The following DNAAF10 variants were observed in gnomAD, a reference collection of about 807,000 sequenced individuals.
The protein encoded by DNAAF10 is WD repeat domain 92.
DNAAF10 carries 28 observed loss-of-function variants against 43.7 expected under a neutral mutation model. The observed-to-expected ratio is 0.64, with a 90% CI of 0.48 to 0.88. The LOEUF is 0.88. Among genes scored for constraint, DNAAF10 ranks in the 40% least tolerant of loss-of-function variants. The pLI is 0.00. For missense variants in DNAAF10, 403 were observed against 439.1 expected (o/e 0.92, Z 0.73); for synonymous variants, 156 against 157.3 (o/e 0.99, Z 0.06).
rs764698023 is a variant in DNAAF10, at chr2:68,157,523, T to C, written c.-80A>G. ...CAACCTGGAAACCAGACTCCAAACA[T>C]TGGCAATTTGTCCCTCCCGCTTTCC... On this transcript the variant is annotated 5_prime_UTR_variant, in exon 1 of 8. The change abolishes an upstream ATG in the 5' untranslated region. Coordinates refer to ENST00000295121, the MANE Select transcript of DNAAF10 (RefSeq NM_138458.4). 3.2e-6 allele frequency: 5 copies of C among 1,586,256 alleles called. No individual in the cohort carries two copies. The highest frequency in any genetic ancestry group is 1.3e-5 in the African/African-American group (1 of 74,442).
chr2:68,134,635 T>A, intron 7 of DNAAF10, 67 bp downstream of exon 7: 5 of 1,566,748 alleles, frequency 3.2e-6, no homozygotes, highest in East Asian at 2.3e-5. Flanking sequence ...GAAAAAAAAG[T>A]TCAATCTAAT....
chr2:68,138,600 C>G, intron 5 of DNAAF10, 142 bp downstream of exon 5: 1 of 642,688 alleles, frequency 1.6e-6, no homozygotes, highest in African/African-American at 1.8e-5. Context: ...GATTCTCAAA[C>G]GGATTTGGCC....
Position 68,130,739 on chromosome 2 carries a change from G to T in DNAAF10, c.*499C>A, listed in dbSNP as rs531433991. Reference sequence around the variant, plus strand: ...TTTACTTGGTGCTTCTGATACCCACGTGCAGCAGCAAGTCAGCAAACAAGC... The same window carrying T: ...TTTACTTGGTGCTTCTGATACCCACTTGCAGCAGCAAGTCAGCAAACAAGC... On this transcript the variant is annotated 3_prime_UTR_variant, in exon 8 of 8. Transcript: ENST00000295121. 9.8e-4 allele frequency: 151 copies of T among 154,006 alleles called. No individual in the cohort carries two copies. Among genetic ancestry groups the T allele is most frequent in the Non-Finnish European group, 1.7e-3 (115 of 68,928 alleles). The allele number at this position is 154,006 out of a possible 1,614,324, so 9.5% of individuals were successfully genotyped here.
At chr2:68,134,627 A>G in intron 7 of DNAAF10, 75 bp downstream of exon 7, 4 of 1,571,622 alleles carry the variant, frequency 2.5e-6, no homozygotes, top group East Asian at 2.3e-5. Context: ...AAAAAAAAGA[A>G]AAAAAAGTTC....
At chr2:68,152,550 A>G (rs1673483479) in intron 1 of DNAAF10, among the ~76,000 whole-genome samples, 1 of 151,922 alleles carries the variant, frequency 6.6e-6, no homozygotes, top group South Asian at 2.1e-4. Flanking sequence ...CCCATTAGAT[A>G]GTTTATCTAC....
At chr2:68,145,472 A>G (rs1043943793) in intron 2 of DNAAF10, among the ~76,000 whole-genome samples, 2 of 152,170 alleles carry the variant, frequency 1.3e-5, no homozygotes, top group Non-Finnish European at 2.9e-5. Context: ...TGTAAATTCA[A>G]AGTGATATAG....
chr2:68,141,242 C>T (rs7585018), intron 4 of DNAAF10, among the ~76,000 whole-genome samples: 3,556 of 152,212 alleles, frequency 0.023, 117 homozygotes, highest in African/African-American at 0.082. Flanking sequence ...CCGTATATAG[C>T]GTAATGTATG....
rs528744068 is a variant in DNAAF10, at chr2:68,136,389, A to G, written c.768+910T>C. Among the ~76,000 whole-genome samples, 18 of 152,320 alleles carry G rather than the reference A, an allele frequency of 1.2e-4. No individual in the cohort carries two copies. In the South Asian group the frequency reaches 3.5e-3, roughly 30 times the overall value. On this transcript the variant is annotated intron_variant, in intron 6 of 7. Coordinates refer to ENST00000295121, the MANE Select transcript of DNAAF10 (RefSeq NM_138458.4). ...ATTCTGAAATGACAAAAGCAAACCA[A>G]TATTATAATTTATAGCTATCTTGTT...
chr2:68,138,284 T>C (rs1235529280), intron 5 of DNAAF10, among the ~76,000 whole-genome samples: 2 of 152,212 alleles, frequency 1.3e-5, no homozygotes, highest in African/African-American at 4.8e-5. Flanking sequence ...TGGGGAATCA[T>C]TATTTAACTT....
intron 7 of DNAAF10, among the ~76,000 whole-genome samples, chr2:68,133,165 C>A (rs1178526013): frequency 6.6e-6 from 1 of 152,202 alleles, no homozygotes; most frequent in African/African-American, 2.4e-5. Flanking sequence ...ACCCCACATT[C>A]TCCCAGAACG....
rs773502521 is a variant in DNAAF10 at position 68,141,705 on chromosome 2, G to C, written c.506C>G (p.Thr169Ser). The change falls in exon 4 of 8, where the codon ACT becomes AGT. Residue 169 changes from threonine to serine, a missense_variant. Transcript: ENST00000295121. ...VQGENKRDCWTVAFGNAYNQE... is the reference protein window; with the variant it reads ...VQGENKRDCWSVAFGNAYNQE... ...CTTCAATAATTTACCAAATGCCACA[G>C]TCCAACAGTCTCTCTTGTTTTCTCC... 6.2e-7 allele frequency: 1 copy of C among 1,613,786 alleles called. No individual in the cohort carries two copies. Among genetic ancestry groups the C allele is most frequent in the Admixed American group, 1.7e-5 (1 of 59,954 alleles).
Position 68,142,777 on chromosome 2 carries a change from C to CAA in DNAAF10, c.416-984_416-983dup, listed in dbSNP as rs11390122. On this transcript the variant is annotated intron_variant, in intron 3 of 7. Coordinates refer to ENST00000295121, the MANE Select transcript of DNAAF10 (RefSeq NM_138458.4). Reference sequence around the variant, plus strand: ...CAAGTACCTGAGAATAAGAAAAGGGCAAAAAAAAAAAAATCCTTAAAAGGA... The same window carrying CAA: ...CAAGTACCTGAGAATAAGAAAAGGGCAAAAAAAAAAAAAAATCCTTAAAAGGA... 4.0e-3 allele frequency among the ~76,000 whole-genome samples: 545 copies of CAA among 136,466 alleles called. 1 individual carries two copies. The highest frequency in any genetic ancestry group is 0.013 in the African/African-American group (503 of 38,002). The allele number at this position is 136,466 out of a possible 152,430, so 89.5% of individuals were successfully genotyped here. A position where few individuals can be genotyped will look rare whatever the true frequency, so the allele number is the denominator to read the frequency against.
Position 68,134,719 on chromosome 2 carries a change from G to C in DNAAF10, c.849C>G (p.Gly283=), listed in dbSNP as rs1244352687. 6.2e-7 allele frequency: 1 copy of C among 1,609,006 alleles called. No homozygotes were observed. The highest frequency in any genetic ancestry group is 1.3e-5 in the African/African-American group (1 of 74,426). Residue 283 remains glycine (G), a synonymous_variant, in exon 7 of 8, where the codon GGC becomes GGG. Transcript: ENST00000295121. Reference sequence around the variant, plus strand: ...AGACTTACTACTTCCAGAGGTGAAGGCCGCCGGCGCCTCCAGCTGTCAGAA... The same window carrying C: ...AGACTTACTACTTCCAGAGGTGAAGCCCGCCGGCGCCTCCAGCTGTCAGAA... The part of the protein sequence containing the change: ...ELFLTAGGAG[G]LHLWKYEYPI...
chr2:68,156,907 C>T (rs899284731), intron 1 of DNAAF10: 3 of 290,518 alleles, frequency 1.0e-5, no homozygotes, highest in Non-Finnish European at 2.0e-5. Context: ...AAATAAACTC[C>T]ATGAGATGGG....
intron 4 of DNAAF10, among the ~76,000 whole-genome samples, chr2:68,139,314 T>G (rs1673121957): frequency 6.6e-6 from 1 of 152,150 alleles, no homozygotes; most frequent in Non-Finnish European, 1.5e-5. Flanking sequence ...GCTCCCCTTT[T>G]GCCTTCTGCC....
intron 1 of DNAAF10, 118 bp downstream of exon 1, chr2:68,157,143 G>A (rs1673643926): frequency 1.5e-5 from 21 of 1,365,050 alleles, no homozygotes; most frequent in Non-Finnish European, 2.1e-5. Context: ...CTCTGGTCTC[G>A]CGCGGCTCAA....
At chr2:68,156,320 A>G (rs1673610045) in intron 1 of DNAAF10, among the ~76,000 whole-genome samples, 1 of 150,756 alleles carries the variant, frequency 6.6e-6, no homozygotes, top group African/African-American at 2.5e-5. Context: ...ACCTCCTCCA[A>G]GCAGATTCTC....
chr2:68,154,073 T>A (rs1673526222), intron 1 of DNAAF10, among the ~76,000 whole-genome samples: 3 of 151,810 alleles, frequency 2.0e-5, no homozygotes, highest in South Asian at 4.2e-4. Flanking sequence ...CTTAAAGGTA[T>A]TTTTGTATTA....
rs1473939964 is a variant in DNAAF10, at chr2:68,130,526, C to T, written c.*712G>A. The T allele has an allele frequency of 6.6e-6, 1 of 152,424 alleles. No homozygotes were observed. The highest frequency in any genetic ancestry group is 1.5e-5 in the Non-Finnish European group (1 of 68,022). The allele number at this position is 152,424 out of a possible 1,614,324, so 9.4% of individuals were successfully genotyped here. A position where few individuals can be genotyped will look rare whatever the true frequency, so the allele number is the denominator to read the frequency against. On this transcript the variant is annotated 3_prime_UTR_variant, in exon 8 of 8. Coordinates refer to ENST00000295121, the MANE Select transcript of DNAAF10 (RefSeq NM_138458.4). ...TTTATGAAGGTTAATTCAGTTTTTCCAAGGCAAACTCTTTTAAACCAAATG... is the reference window on the plus strand; with the variant it reads ...TTTATGAAGGTTAATTCAGTTTTTCTAAGGCAAACTCTTTTAAACCAAATG...
Sources: gnomAD v4.1 joint callset for allele counts (sites outside exome capture counted in the v4.1 genomes callset) on GRCh38, gnomAD v4.1.1 for gene constraint, MANE v1.5 for transcripts, NCBI Gene and HGNC (gene_info 2026-07-23, HGNC 2026-07-21) for gene names.